The following KRT77 variants were observed in gnomAD, a reference collection of about 807,000 sequenced individuals.
KRT77 encodes the protein keratin, type II cytoskeletal 1b.
Under a neutral mutation model 51.5 loss-of-function variants are expected in KRT77, and 44 were observed. That is an observed-to-expected ratio of 0.85 (90% CI 0.67 to 1.10). The LOEUF is 1.10. Ranked by LOEUF, KRT77 falls within the 50% of genes least tolerant of loss-of-function variation. The pLI, the probability that KRT77 is intolerant of heterozygous loss-of-function variation, is 0.00. For synonymous variants in KRT77, 293 were observed against 302.0 expected, an observed-to-expected ratio of 0.97 and a Z score of 0.31; for missense variants, 763 against 743.9, an observed-to-expected ratio of 1.03 and a Z score of -0.30.
intron 2 of KRT77, 115 bp from the exon 3 acceptor site, chr12:52,696,545 G>C (rs1015205231): frequency 1.2e-6 from 1 of 848,252 alleles, no homozygotes; most frequent in Non-Finnish European, 1.9e-6. Flanking sequence ...CCTGGGTTCA[G>C]AGAACCCTGC....
chr12:52,691,872 C>G, intron 8 of KRT77, 66 bp downstream of exon 8: 1 of 1,594,130 alleles, frequency 6.3e-7, no homozygotes, highest in Non-Finnish European at 8.6e-7. Context: ...CTCTGCTGGC[C>G]ACCTCCTGGC....
intron 4 of KRT77, 58 bp downstream of exon 4, chr12:52,695,714 C>T (rs570128884): frequency 1.6e-6 from 2 of 1,238,132 alleles, no homozygotes; most frequent in South Asian, 2.5e-5. Context: ...CTCTTACAGC[C>T]CATACTCCTT....
At position 52,695,816 on chromosome 12, in the gene KRT77, T is replaced by C. The variant is rs891916240; in HGVS notation, c.871A>G (p.Thr291Ala). The C allele has an allele frequency of 2.0e-5, 33 of 1,613,824 alleles. No homozygotes were observed. Among genetic ancestry groups the C allele is most frequent in the Non-Finnish European group, 2.7e-5 (32 of 1,179,844 alleles). The change falls in exon 4 of 9, where the codon ACT (threonine) becomes GCT (alanine). Residue 291 changes from threonine to alanine, a missense_variant. Transcript: ENST00000341809. ...SKVDLESRVDTLTGEVNFLKY... is the reference protein window; with the variant it reads ...SKVDLESRVDALTGEVNFLKY... ...AAGAAATTGACCTCCCCAGTCAGAG[T>C]GTCCACCCTGGACTCCAGGTCCACT...
At chr12:52,695,721 C>T (rs2121056977) in intron 4 of KRT77, 51 bp downstream of exon 4, 1 of 1,315,922 alleles carries the variant, frequency 7.6e-7, no homozygotes, top group Non-Finnish European at 1.1e-6. Flanking sequence ...AGCCCATACT[C>T]CTTGTGAGAT....
chr12:52,689,899 T>G lies in KRT77; in HGVS notation c.*1266A>C, dbSNP rs1941680723. On this transcript the variant is annotated 3_prime_UTR_variant, in exon 9 of 9. Transcript: ENST00000341809. ...CCCTCTCCAGCACATCTCAAGCCTC[T>G]TACATAAGATTCAAAATTAAGAGTC... The G allele has an allele frequency of 6.6e-6, 1 of 152,180 alleles. No homozygotes were observed. The highest frequency in any genetic ancestry group is 2.4e-5 in the African/African-American group (1 of 41,436). The allele number at this position is 152,180 out of a possible 1,614,324, so 9.4% of individuals were successfully genotyped here.
In KRT77 at chr12:52,697,893, G is replaced by C; in HGVS notation, c.547C>G (p.Arg183Gly). ...ACCTGGTTCTGCTGCTCCAGGAATC[G>C]CACCTAAGAGCAAGAGACCCCAGTC... Reference protein sequence around the residue: ...NKFASFIDKVRFLEQQNQVLQ... With the variant: ...NKFASFIDKVGFLEQQNQVLQ... The change falls in exon 2 of 9, where the codon CGA becomes GGA. Residue 183 changes from arginine (R) to glycine (G), a missense_variant. Arg to Gly is a moderately radical substitution (Grantham distance 125, BLOSUM62 -2). Transcript: ENST00000341809. The C allele has an allele frequency of 6.2e-7, 1 of 1,613,308 alleles. No individual in the cohort carries two copies. The highest frequency in any genetic ancestry group is 8.5e-7 in the Non-Finnish European group (1 of 1,179,620).
rs1941724410 is a variant in KRT77 at position 52,692,411 on chromosome 12, C to T, written c.1427+10G>A. 6.2e-7 allele frequency: 1 copy of T among 1,613,520 alleles called. No homozygotes were observed. Among genetic ancestry groups the T allele is most frequent in the South Asian group, 1.1e-5 (1 of 91,066 alleles). ...AGCCTTAGCCCCAGAAACACAGCTG[C>T]CAGACCCACCTGCTCTCCTCGCCCT... On this transcript the variant is annotated intron_variant, in intron 7 of 8. Coordinates refer to ENST00000341809, the MANE Select transcript of KRT77 (RefSeq NM_175078.3).
intron 8 of KRT77, 93 bp from the exon 9 acceptor site, chr12:52,691,532 G>C: frequency 7.1e-7 from 1 of 1,399,220 alleles, no homozygotes; most frequent in Non-Finnish European, 9.6e-7. Flanking sequence ...CTCCATCCTC[G>C]ATCACCCGTG....
rs552025669 is a variant in KRT77 at position 52,696,180 on chromosome 12, G to A, written c.819+190C>T. Among the ~76,000 whole-genome samples the A allele has an allele frequency of 1.1e-4, 16 of 152,210 alleles. No individual in the cohort carries two copies. The South Asian group carries it at 2.9e-3, about 28-fold the overall frequency. The stretch of plus-strand genomic sequence containing the variant: ...CACTTTCAGGACCCCAGAGAGATAC[G>A]AACTCAAGGCTTCCTGAAGAGTCAT... On this transcript the variant is annotated intron_variant, in intron 3 of 8. Transcript: ENST00000341809.
chr12:52,695,725 G>T, intron 4 of KRT77, 47 bp downstream of exon 4: 1 of 1,355,508 alleles, frequency 7.4e-7, no homozygotes, highest in Non-Finnish European at 1.1e-6. Context: ...CATACTCCTT[G>T]TGAGATGTGA....
chr12:52,702,855 A>T, intron 1 of KRT77, 37 bp downstream of exon 1: 1 of 1,606,262 alleles, frequency 6.2e-7, no homozygotes, highest in Non-Finnish European at 8.5e-7. Flanking sequence ...TCATTTGGTC[A>T]GTGACCAATG....
rs768894015 is a variant in KRT77, at chr12:52,692,485, C to T, written c.1363G>A (p.Val455Ile). 1.9e-6 allele frequency: 3 copies of T among 1,613,932 alleles called. No homozygotes were observed. The African/African-American group carries it at 4.0e-5, about 22-fold the overall frequency. ...LLRDYQAMLG[V>I]KLSLDVEIAT... ...ATCTCCACATCCAGGGACAGCTTGA[C>T]CCCCAGCATGGCCTGGTAGTCACGC... is the stretch of plus-strand genomic sequence containing the variant. Residue 455 changes from valine (V) to isoleucine (I), a missense_variant, in exon 7 of 9, where the codon GTC (valine) becomes ATC (isoleucine). Val to Ile is a conservative substitution (Grantham distance 29). Transcript: ENST00000341809.
In KRT77 at chr12:52,692,874, C is replaced by G. The variant is rs1485242619; in HGVS notation, c.1087G>C (p.Glu363Gln). 3 of 1,603,922 alleles carry G rather than the reference C, an allele frequency of 1.9e-6. No individual in the cohort carries two copies. Among genetic ancestry groups the G allele is most frequent in the Non-Finnish European group, 2.6e-6 (3 of 1,171,496 alleles). ...AEALYQTKYQ[E>Q]LQITAGRHGD... ...TGTCTCCCTGCCGTGATCTGGAGCT[C>G]CTGGTACTGGGGCCAAAGGCAGCAT... Residue 363 changes from glutamate (E) to glutamine (Q), a missense_variant, in exon 6 of 9, where the codon GAG (glutamate) becomes CAG (glutamine). Coordinates refer to ENST00000341809, the MANE Select transcript of KRT77 (RefSeq NM_175078.3).
intron 1 of KRT77, among the ~76,000 whole-genome samples, chr12:52,698,908 G>A (rs141109272): frequency 8.5e-4 from 129 of 152,302 alleles, no homozygotes; most frequent in African/African-American, 3.0e-3. Flanking sequence ...GGTCAGAACG[G>A]AACCCTGAAG....
chr12:52,702,853 T>C (rs1368485651), intron 1 of KRT77, 39 bp downstream of exon 1: 1 of 1,604,470 alleles, frequency 6.2e-7, no homozygotes. Context: ...AGTCATTTGG[T>C]CAGTGACCAA....
intron 2 of KRT77, among the ~76,000 whole-genome samples, 162 bp downstream of exon 2, chr12:52,697,520 C>T (rs879109301): frequency 1.3e-5 from 2 of 152,174 alleles, no homozygotes; most frequent in African/African-American, 2.4e-5. Flanking sequence ...TCATTCTACC[C>T]GGGTTGCCAC....
chr12:52,698,715 C>T (rs1395442082), intron 1 of KRT77, among the ~76,000 whole-genome samples: 3 of 152,246 alleles, frequency 2.0e-5, no homozygotes, highest in Non-Finnish European at 4.4e-5. Context: ...GACCAGCCTC[C>T]ACCTTTCCTC....
Position 52,692,088 on chromosome 12 carries a change from G to A in KRT77, c.1428-116C>T, listed in dbSNP as rs573420094. The A allele has an allele frequency of 6.5e-5, 74 of 1,137,506 alleles. No individual in the cohort carries two copies. The East Asian group carries it at 1.8e-3, about 28-fold the overall frequency. The allele number at this position is 1,137,506 out of a possible 1,614,324, so 70.5% of individuals were successfully genotyped here. On this transcript the variant is annotated intron_variant, in intron 7 of 8. Coordinates refer to ENST00000341809, the MANE Select transcript of KRT77 (RefSeq NM_175078.3). ...AAGCCTTAGGGAAATGTGTGTGCAT[G>A]AGCAGAGGTCAGGAAGCCAGTGGGG...
intron 2 of KRT77, 49 bp downstream of exon 2, chr12:52,697,633 C>A (rs775137972): frequency 2.3e-6 from 3 of 1,321,664 alleles, no homozygotes; most frequent in Admixed American, 3.8e-5. Flanking sequence ...CCCCTGTGAC[C>A]AGTTTCCGGC....
Sources: gnomAD v4.1 joint callset for allele counts (sites outside exome capture counted in the v4.1 genomes callset) on GRCh38, gnomAD v4.1.1 for gene constraint, MANE v1.5 for transcripts, NCBI Gene and HGNC (gene_info 2026-07-23, HGNC 2026-07-21) for gene names.